Variants in CCNH observed in about 807,000 individuals in gnomAD.
CCNH encodes the protein cyclin H, also known as cyclin-H.
CCNH carries 31 observed loss-of-function variants against 41.9 expected under a neutral mutation model. That is an observed-to-expected ratio of 0.74 (90% CI 0.56 to 1.00). The LOEUF is 1.00. Among genes scored for constraint, CCNH ranks in the 50% least tolerant of loss-of-function variants. CCNH has a pLI of 0.00. For missense variants in CCNH, 362 were observed against 388.4 expected, an observed-to-expected ratio of 0.93 and a Z score of 0.57; for synonymous variants, 138 against 136.1, an observed-to-expected ratio of 1.01 and a Z score of -0.10.
intron 9 of CCNH, among the ~76,000 whole-genome samples, chr5:87,361,008 C>T (rs1280001865): frequency 2.0e-5 from 3 of 152,158 alleles, no homozygotes. Context: ...CAATACTTTG[C>T]AACACAGTTA....
At chr5:87,366,326 A>G (rs1187032770) in intron 9 of CCNH, 3 of 392,324 alleles carry the variant, frequency 7.6e-6, no homozygotes, top group Non-Finnish European at 1.0e-5. Flanking sequence ...CTTTAGCATT[A>G]TTTTGATATA....
chr5:87,406,386 C>A (rs184213866), intron 4 of CCNH, among the ~76,000 whole-genome samples: 1 of 152,272 alleles, frequency 6.6e-6, no homozygotes, highest in Admixed American at 6.5e-5. Flanking sequence ...AACAAAAAAA[C>A]TCTCACCCAG....
chr5:87,378,357 T>C (rs916554347), upstream of CCNH: 1 of 1,605,768 alleles, frequency 6.2e-7, no homozygotes, highest in Admixed American at 1.7e-5. Context: ...ATTAGGTCAG[T>C]CCTTTACAAA....
At chr5:87,391,136 C>T (rs942844820), downstream of CCNH, 5 of 583,776 alleles carry the variant, frequency 8.6e-6, no homozygotes, top group African/African-American at 7.5e-5. Context: ...CCTTGGTGTA[C>T]AGACCACCTT....
At chr5:87,358,645 T>G (rs1277600914) in intron 9 of CCNH, among the ~76,000 whole-genome samples, 2 of 152,214 alleles carry the variant, frequency 1.3e-5, no homozygotes, top group African/African-American at 4.8e-5. Context: ...CTCCTCTGTT[T>G]TAATACTTGA....
chr5:87,312,604 G>C, the CCNH span, among the ~76,000 whole-genome samples: 3 of 152,274 alleles, frequency 2.0e-5, no homozygotes, highest in South Asian at 2.1e-4. Flanking sequence ...CTCTTTCTGG[G>C]CTAGAGGTTA....
In CCNH at chr5:87,353,145, T is replaced by G. The variant is rs764421195; in HGVS notation, c.*91-34248A>C. The G allele has an allele frequency of 1.3e-6, 2 of 1,598,228 alleles. No individual in the cohort carries two copies. Among genetic ancestry groups the G allele is most frequent in the Non-Finnish European group, 1.7e-6 (2 of 1,166,658 alleles). On this transcript the variant is annotated intron_variant and NMD_transcript_variant, in intron 9 of 9. Transcript: ENST00000645953. ...TGAGACAGATTAATACTAGAAATTT[T>G]TATTTTAACAGCATTGGGGACATCA...
At chr5:87,312,302 G>C in the CCNH span, among the ~76,000 whole-genome samples, 74 of 152,268 alleles carry the variant, frequency 4.9e-4, no homozygotes, top group African/African-American at 1.6e-3. Context: ...AAGGAAATCT[G>C]TCTTCTGTTA....
exon 1 of CCNH, chr5:87,376,621 TTTA>T: frequency 1.3e-6 from 2 of 1,563,752 alleles, no homozygotes; most frequent in Non-Finnish European, 1.8e-6. Flanking sequence ...ACATTTAACA[TTTA>T]ATAAAAGATC....
chr5:87,333,997 G>T (rs2112373514), intron 9 of CCNH, among the ~76,000 whole-genome samples: 1 of 152,204 alleles, frequency 6.6e-6, no homozygotes, highest in Middle Eastern at 3.4e-3. Context: ...TTTTTAGTGG[G>T]ATCATTTAGG....
intron 9 of CCNH, among the ~76,000 whole-genome samples, chr5:87,357,628 C>A (rs887179498): frequency 2.6e-5 from 4 of 152,042 alleles, no homozygotes; most frequent in African/African-American, 9.7e-5. Flanking sequence ...TCGCTTGAAC[C>A]TGGGAGGTGG....
intron 9 of CCNH, among the ~76,000 whole-genome samples, chr5:87,361,376 C>G (rs1760078651): frequency 6.6e-6 from 1 of 151,996 alleles, no homozygotes; most frequent in Admixed American, 6.6e-5. Flanking sequence ...TGAAATAGTT[C>G]CTAGGATGAT....
rs562630348 is a variant in CCNH at position 87,356,387 on chromosome 5, T to A, written c.*90+36383A>T. Among the ~76,000 whole-genome samples the A allele has an allele frequency of 1.2e-3, 178 of 152,104 alleles. 1 individual carries two copies. The highest frequency in any genetic ancestry group is 2.0e-3 in the Non-Finnish European group (138 of 67,970). On this transcript the variant is annotated intron_variant and NMD_transcript_variant, in intron 9 of 9. Coordinates refer to the CCNH transcript ENST00000645953. ...CTGACGTCCTAGATGATTGTTATTTTTTTTTTTTTTTCTCCCTCCGGAGTC... is the reference window on the plus strand; with the variant it reads ...CTGACGTCCTAGATGATTGTTATTTATTTTTTTTTTTCTCCCTCCGGAGTC...
intron 5 of CCNH, among the ~76,000 whole-genome samples, chr5:87,403,007 A>G (rs1763528257): frequency 6.6e-6 from 1 of 152,176 alleles, no homozygotes; most frequent in Non-Finnish European, 1.5e-5. Flanking sequence ...GTAGCAGATG[A>G]AAAATAAAGC....
chr5:87,325,427 A>C (rs138171516), intron 9 of CCNH, among the ~76,000 whole-genome samples: 20 of 152,350 alleles, frequency 1.3e-4, no homozygotes, highest in Admixed American at 5.9e-4. Context: ...TGTTTTAGCA[A>C]ATGCATACCA....
chr5:87,401,907 A>T (rs1272368623), intron 5 of CCNH, 135 bp from the exon 6 acceptor site: 2 of 523,370 alleles, frequency 3.8e-6, no homozygotes, highest in East Asian at 3.1e-5. Context: ...ATAATCTGTA[A>T]CTCCTATATT....
downstream of CCNH, among the ~76,000 whole-genome samples, chr5:87,316,408 A>G (rs1379996765): frequency 1.3e-5 from 2 of 152,252 alleles, no homozygotes; most frequent in Admixed American, 6.5e-5. Context: ...TTCCCAGGTT[A>G]TCAGTAGATA....
chr5:87,356,657 G>A (rs1053361849), intron 9 of CCNH, among the ~76,000 whole-genome samples: 1 of 152,166 alleles, frequency 6.6e-6, no homozygotes, highest in Non-Finnish European at 1.5e-5. Flanking sequence ...ACAGTTGTGA[G>A]CCACTTTGGT....
chr5:87,313,307 TC>T, the CCNH span, among the ~76,000 whole-genome samples: 1 of 152,166 alleles, frequency 6.6e-6, no homozygotes, highest in Non-Finnish European at 1.5e-5. Context: ...GTATAGGTAT[TC>T]CTTGAAGGGA....
Sources: gnomAD v4.1 joint callset for allele counts (sites outside exome capture counted in the v4.1 genomes callset) on GRCh38, gnomAD v4.1.1 for gene constraint, MANE v1.5 for transcripts, NCBI Gene and HGNC (gene_info 2026-07-23, HGNC 2026-07-21) for gene names.